YES1: variants seen among roughly 807,000 people sequenced by gnomAD.
The protein encoded by YES1 is YES proto-oncogene 1, Src family tyrosine kinase, also known as tyrosine-protein kinase Yes.
YES1 carries 39 observed loss-of-function variants against 70.4 expected under a neutral mutation model. The observed-to-expected ratio is 0.55, with a 90% CI of 0.43 to 0.72. The LOEUF (loss-of-function observed/expected upper bound fraction) is 0.72. YES1 is among the 30% of genes least tolerant of loss of function. The pLI is 0.00. For synonymous variants in YES1, 198 were observed against 218.6 expected (o/e 0.91, Z 0.83); for missense variants, 495 against 644.8 (o/e 0.77, Z 2.52).
intron 1 of YES1, among the ~76,000 whole-genome samples, chr18:781,447 G>T (rs983673762): frequency 6.6e-6 from 1 of 151,994 alleles, no homozygotes; most frequent in Non-Finnish European, 1.5e-5. Context: ...TAGCTTAAAC[G>T]TTCAAGGAAT....
Position 722,248 on chromosome 18 carries a change from ACTCTTCTTAGGAAGACC to A in YES1, c.*2159_*2175del, listed in dbSNP as rs1240064149. 1 of 152,622 alleles carries A rather than the reference ACTCTTCTTAGGAAGACC, an allele frequency of 6.6e-6. No homozygotes were observed. Among genetic ancestry groups the A allele is most frequent in the East Asian group, 1.9e-4 (1 of 5,198 alleles). 9.5% of individuals were successfully genotyped at this position (152,622 alleles called of 1,614,324 possible). On this transcript the variant is annotated 3_prime_UTR_variant, in exon 12 of 12. Coordinates refer to ENST00000314574, the MANE Select transcript of YES1 (RefSeq NM_005433.4). ...GTTGATAAGAGGAAATAATGACAGC[ACTCTTCTTAGGAAGACC>A]CTCTTGGTAGAGAGTGTCAATACTA...
Position 740,991 on chromosome 18 carries a change from T to C in YES1, c.1061-1180A>G, listed in dbSNP as rs1046641653. Among the ~76,000 whole-genome samples, 18 of 152,288 alleles carry C rather than the reference T, an allele frequency of 1.2e-4. 1 individual carries two copies. The highest frequency in any genetic ancestry group is 1.0e-3 in the South Asian group (5 of 4,824). On this transcript the variant is annotated intron_variant, in intron 8 of 11. Coordinates refer to ENST00000314574, the MANE Select transcript of YES1 (RefSeq NM_005433.4). ...TGGCTCACTGCAACCTCTGCCTCCCTAGCTCAAGCCATTCTCGTGCCTCAG... is the reference window on the plus strand; with the variant it reads ...TGGCTCACTGCAACCTCTGCCTCCCCAGCTCAAGCCATTCTCGTGCCTCAG...
In YES1 at chr18:722,942, A is replaced by G. The variant is rs1568178800; in HGVS notation, c.*1482T>C. 6.6e-6 allele frequency: 1 copy of G among 152,250 alleles called. No individual in the cohort carries two copies. Among genetic ancestry groups the G allele is most frequent in the Non-Finnish European group, 1.5e-5 (1 of 68,128 alleles). 9.4% of individuals were successfully genotyped at this position (152,250 alleles called of 1,614,324 possible). Reference sequence around the variant, plus strand: ...TGCGTCTCTACTAAAAATACAAAAAACTAGCCAGGCGTGGTGGTGGGCACC... The same window carrying G: ...TGCGTCTCTACTAAAAATACAAAAAGCTAGCCAGGCGTGGTGGTGGGCACC... On this transcript the variant is annotated 3_prime_UTR_variant, in exon 12 of 12. Transcript: ENST00000314574.
chr18:734,752 G>A (rs112857658), intron 10 of YES1, among the ~76,000 whole-genome samples: 18,132 of 151,876 alleles, frequency 0.12, 1,209 homozygotes, highest in East Asian at 0.27. Flanking sequence ...CACTGATGGT[G>A]GGAATGTAAA....
chr18:802,095 C>A (rs1292721599), intron 1 of YES1, among the ~76,000 whole-genome samples: 2 of 152,106 alleles, frequency 1.3e-5, no homozygotes, highest in Non-Finnish European at 2.9e-5. Context: ...AAAGCTACTT[C>A]CATTAAAAAG....
chr18:773,532 C>T (rs1905244204), intron 1 of YES1, among the ~76,000 whole-genome samples: 1 of 152,060 alleles, frequency 6.6e-6, no homozygotes, highest in Admixed American at 6.6e-5. Context: ...AAATCCTGTA[C>T]GAATTAAAAG....
chr18:742,371 C>A (rs1054791084), intron 8 of YES1, among the ~76,000 whole-genome samples: 1 of 151,436 alleles, frequency 6.6e-6, no homozygotes, highest in Non-Finnish European at 1.5e-5. Flanking sequence ...GTAATACCAG[C>A]ACTTTGGGAG....
At chr18:798,385 T>C (rs756448450) in intron 1 of YES1, among the ~76,000 whole-genome samples, 12 of 152,200 alleles carry the variant, frequency 7.9e-5, no homozygotes, top group Non-Finnish European at 1.8e-4. Flanking sequence ...GACAACATCC[T>C]AAGAGCTTCA....
At chr18:739,597 A>G in intron 9 of YES1, 138 bp downstream of exon 9, 1 of 656,760 alleles carries the variant, frequency 1.5e-6, no homozygotes, top group Non-Finnish European at 2.4e-6. Context: ...TGACAGAATG[A>G]GACGCTGTCT....
chr18:750,897 G>A (rs923544491), intron 3 of YES1, among the ~76,000 whole-genome samples: 3 of 152,200 alleles, frequency 2.0e-5, no homozygotes, highest in Non-Finnish European at 4.4e-5. Flanking sequence ...AAACTCCAGC[G>A]TACTCAGAAA....
intron 1 of YES1, among the ~76,000 whole-genome samples, chr18:799,099 T>A (rs945587366): frequency 7.2e-5 from 11 of 152,220 alleles, no homozygotes; most frequent in Non-Finnish European, 1.5e-5. Flanking sequence ...ATACCAATAC[T>A]GTAACCCGAA....
intron 3 of YES1, among the ~76,000 whole-genome samples, chr18:749,975 T>C (rs947463607): frequency 1.3e-5 from 2 of 152,138 alleles, no homozygotes; most frequent in African/African-American, 4.8e-5. Context: ...TTTTTCAAAA[T>C]TAATGTGAAA....
At chr18:761,040 C>A (rs949926451) in intron 1 of YES1, among the ~76,000 whole-genome samples, 1 of 152,130 alleles carries the variant, frequency 6.6e-6, no homozygotes, top group Admixed American at 6.5e-5. Context: ...CCAACCTTCC[C>A]AGTCTTCCAA....
chr18:799,164 C>T (rs1906693064), intron 1 of YES1, among the ~76,000 whole-genome samples: 1 of 152,146 alleles, frequency 6.6e-6, no homozygotes, highest in Non-Finnish European at 1.5e-5. Flanking sequence ...ATTTGTAGAA[C>T]CAAGTGGTAT....
intron 1 of YES1, among the ~76,000 whole-genome samples, chr18:762,189 C>G (rs1480416891): frequency 6.6e-6 from 1 of 151,950 alleles, no homozygotes; most frequent in Non-Finnish European, 1.5e-5. Flanking sequence ...GCGTGGTGGC[C>G]CATGCCTGTA....
intron 1 of YES1, among the ~76,000 whole-genome samples, chr18:772,097 C>T (rs1308864925): frequency 1.3e-5 from 2 of 152,120 alleles, no homozygotes; most frequent in Admixed American, 1.3e-4. Flanking sequence ...GCCACGATCT[C>T]GGCTCACGGC....
intron 11 of YES1, among the ~76,000 whole-genome samples, chr18:725,458 T>A (rs1029037309): frequency 1.1e-4 from 16 of 152,196 alleles, no homozygotes; most frequent in Admixed American, 5.9e-4. Flanking sequence ...TTTTAGTTAT[T>A]TTTTTGAGGA....
intron 8 of YES1, among the ~76,000 whole-genome samples, chr18:741,150 G>C (rs1002762216): frequency 5.3e-5 from 8 of 152,094 alleles, no homozygotes; most frequent in Non-Finnish European, 7.4e-5. Context: ...TGCCTGCCTC[G>C]GCCTCCCAAA....
At chr18:733,685 A>G (rs1185451810) in intron 10 of YES1, among the ~76,000 whole-genome samples, 1 of 146,018 alleles carries the variant, frequency 6.8e-6, no homozygotes, top group Non-Finnish European at 1.5e-5. Flanking sequence ...CGGGAGGCTG[A>G]GGCAGGAGAA....
Sources: allele counts gnomAD v4.1 joint callset (sites outside exome capture counted in the v4.1 genomes callset), GRCh38; gene constraint gnomAD v4.1.1; transcripts MANE v1.5; gene names NCBI Gene and HGNC (gene_info 2026-07-23, HGNC 2026-07-21).